IMPG1: variants seen among roughly 807,000 people sequenced by gnomAD.
IMPG1 encodes the protein interphotoreceptor matrix proteoglycan 1.
Under a neutral mutation model 92.0 loss-of-function variants are expected in IMPG1, and 85 were observed. The ratio of observed to expected loss-of-function variants is 0.92; its 90% CI spans 0.78 to 1.11. IMPG1 has a LOEUF of 1.11. Ranked by LOEUF, IMPG1 falls within the 50% of genes least tolerant of loss-of-function variation. IMPG1 has a pLI of 0.00. For synonymous variants in IMPG1, 367 were observed against 334.1 expected, an observed-to-expected ratio of 1.10 and a Z score of -1.08; for missense variants, 1,022 against 956.0, an observed-to-expected ratio of 1.07 and a Z score of -0.91.
chr6:75,982,770 C>T lies in IMPG1; in HGVS notation c.1291+20148G>A, dbSNP rs145941085. On this transcript the variant is annotated intron_variant, in intron 12 of 16. Coordinates refer to ENST00000369950, the MANE Select transcript of IMPG1 (RefSeq NM_001563.4). ...ACTATGGTTTGAAGAGAAAATGTTA[C>T]ATTGAGGAGGTTCACATTTTGTAGC... 1.4e-3 allele frequency among the ~76,000 whole-genome samples: 219 copies of T among 152,050 alleles called. 3 individuals are homozygous for T. The highest frequency in any genetic ancestry group is 2.6e-4 in the Non-Finnish European group (18 of 67,992).
At position 76,050,398 on chromosome 6, in the gene IMPG1, G is replaced by A. The variant is rs149166848; in HGVS notation, c.68-8272C>T. On this transcript the variant is annotated intron_variant, in intron 1 of 16. Coordinates refer to ENST00000369950, the MANE Select transcript of IMPG1 (RefSeq NM_001563.4). ...GCGGAGGTTGCAGTGAGCAGAGATC[G>A]TGACACTGCACTCCAGCCTGGGTGA... 3.5e-4 allele frequency among the ~76,000 whole-genome samples: 53 copies of A among 152,200 alleles called. No homozygotes were observed. The East Asian group carries it at 6.8e-3, about 19-fold the overall frequency.
At chr6:76,018,367 G>T (rs1260305831) in intron 7 of IMPG1, among the ~76,000 whole-genome samples, 1 of 152,200 alleles carries the variant, frequency 6.6e-6, no homozygotes, top group Non-Finnish European at 1.5e-5. Flanking sequence ...TGGTATAGAA[G>T]TTGTGACATA....
chr6:76,065,963 AC>A (rs1178150002), intron 1 of IMPG1, among the ~76,000 whole-genome samples: 1 of 152,162 alleles, frequency 6.6e-6, no homozygotes, highest in Non-Finnish European at 1.5e-5. Flanking sequence ...TAAATTTTGT[AC>A]CCTGAAAAAC....
intron 12 of IMPG1, among the ~76,000 whole-genome samples, chr6:75,999,636 G>C (rs1782953506): frequency 6.6e-6 from 1 of 152,070 alleles, no homozygotes; most frequent in Admixed American, 6.5e-5. Flanking sequence ...TTCCCAGTTA[G>C]GGTTTCCATT....
chr6:76,014,926 G>A (rs2149481001), intron 7 of IMPG1, among the ~76,000 whole-genome samples: 1 of 152,288 alleles, frequency 6.6e-6, no homozygotes, highest in Admixed American at 6.5e-5. Flanking sequence ...CATCTAGGGA[G>A]GATATGACAA....
intron 14 of IMPG1, among the ~76,000 whole-genome samples, chr6:75,931,466 A>G (rs541950151): frequency 6.6e-6 from 1 of 152,330 alleles, no homozygotes; most frequent in African/African-American, 2.4e-5. Context: ...GCAGCGTGGA[A>G]TGGGGACTGA....
intron 15 of IMPG1, among the ~76,000 whole-genome samples, chr6:75,924,544 A>ATAAT (rs1282787233): frequency 2.0e-4 from 8 of 39,346 alleles, no homozygotes; most frequent in East Asian, 4.5e-4. Flanking sequence ...ATAATTATAT[A>ATAAT]ATATAATTAA....
intron 1 of IMPG1, among the ~76,000 whole-genome samples, chr6:76,061,894 CTT>C (rs553486122): frequency 6.6e-6 from 1 of 152,118 alleles, no homozygotes; most frequent in Non-Finnish European, 1.5e-5. Context: ...CTTCAACTGT[CTT>C]TTTTTGTGCT....
At chr6:76,037,955 A>T (rs1783769126) in intron 2 of IMPG1, among the ~76,000 whole-genome samples, 1 of 152,166 alleles carries the variant, frequency 6.6e-6, no homozygotes, top group Non-Finnish European at 1.5e-5. Context: ...ATTTCATTCC[A>T]ATTTAAGTCT....
chr6:76,041,866 G>C (rs768191973), intron 2 of IMPG1, 27 bp downstream of exon 2: 1 of 1,443,988 alleles, frequency 6.9e-7, no homozygotes, highest in South Asian at 1.1e-5. Context: ...ATAACACAAG[G>C]CTAAACGGTT....
intron 14 of IMPG1, among the ~76,000 whole-genome samples, chr6:75,939,989 A>C (rs1245711508): frequency 6.6e-6 from 1 of 152,084 alleles, no homozygotes; most frequent in African/African-American, 2.4e-5. Flanking sequence ...CTGTCCACTT[A>C]AGTGCCCTCT....
chr6:76,056,529 A>AT (rs1784122848), intron 1 of IMPG1, among the ~76,000 whole-genome samples: 2 of 152,148 alleles, frequency 1.3e-5, no homozygotes, highest in South Asian at 2.1e-4. Flanking sequence ...TGCTTATTTC[A>AT]TTTTTTGGGC....
chr6:76,018,136 G>C (rs983077277), intron 7 of IMPG1, among the ~76,000 whole-genome samples: 1 of 152,152 alleles, frequency 6.6e-6, no homozygotes, highest in Non-Finnish European at 1.5e-5. Flanking sequence ...ATGGATGCCT[G>C]AAATTGTGGA....
Sources: gnomAD v4.1 joint callset for allele counts (sites outside exome capture counted in the v4.1 genomes callset) on GRCh38, gnomAD v4.1.1 for gene constraint, MANE v1.5 for transcripts, NCBI Gene and HGNC (gene_info 2026-07-23, HGNC 2026-07-21) for gene names.